The following LRCH2 variants were observed in gnomAD, a reference collection of about 807,000 sequenced individuals.
LRCH2 encodes leucine-rich repeat and calponin homology domain-containing protein 2.
LRCH2 carries 38 observed loss-of-function variants against 68.9 expected under a neutral mutation model. That is an observed-to-expected ratio of 0.55 (90% CI 0.43 to 0.72). LRCH2 has a LOEUF of 0.72. Among genes scored for constraint, LRCH2 ranks in the 30% least tolerant of loss-of-function variants. LRCH2 has a pLI of 0.00. For missense variants in LRCH2, 528 were observed against 572.9 expected (o/e 0.92, Z 0.80); for synonymous variants, 191 against 208.1 (o/e 0.92, Z 0.71).
intron 2 of LRCH2, among the ~76,000 whole-genome samples, chrX:115,185,206 T>C (rs1445438516): frequency 3.6e-5 from 4 of 112,210 alleles, no homozygotes; most frequent in Non-Finnish European, 7.5e-5. Flanking sequence ...CCAGGCCATG[T>C]TCAGGGCAGC....
intron 11 of LRCH2, among the ~76,000 whole-genome samples, chrX:115,162,925 G>T (rs782635608): frequency 9.0e-6 from 1 of 111,387 alleles, no homozygotes; most frequent in East Asian, 2.8e-4. Flanking sequence ...TATAAATGTA[G>T]TCCTCTCAGT....
intron 16 of LRCH2, 96 bp from the exon 17 acceptor site, chrX:115,124,098 G>T (rs2072166074): frequency 2.3e-6 from 1 of 432,360 alleles, no homozygotes; most frequent in African/African-American, 2.6e-5. Flanking sequence ...TCCAATTTGG[G>T]GAAATACTTA....
At chrX:115,192,398 A>G in intron 1 of LRCH2, 1 of 1,166,018 alleles carries the variant, frequency 8.6e-7, no homozygotes, top group Non-Finnish European at 1.1e-6. Flanking sequence ...TACGAGGAGT[A>G]CCAGGGCAGC....
At chrX:115,203,050 G>A (rs1258249977) in intron 1 of LRCH2, among the ~76,000 whole-genome samples, 1 of 111,947 alleles carries the variant, frequency 8.9e-6, no homozygotes, top group South Asian at 3.7e-4. Context: ...AAAGAAAAGA[G>A]GTTTAATTGA....
rs782576357 is a variant in LRCH2, at chrX:115,201,164, C to T, written c.350-12794G>A. On this transcript the variant is annotated intron_variant, in intron 1 of 20. Coordinates refer to ENST00000317135, the MANE Select transcript of LRCH2 (RefSeq NM_020871.4). The stretch of plus-strand genomic sequence containing the variant: ...TCCCGTTTTTGAAACCATCAGATGT[C>T]ATGAGACTCATTCACTGTCACAAGA... Among the ~76,000 whole-genome samples, 4 of 110,708 alleles carry T rather than the reference C, an allele frequency of 3.6e-5. No homozygotes were observed. The East Asian group carries it at 1.1e-3, about 32-fold the overall frequency.
At chrX:115,153,557 G>T (rs782443969) in intron 12 of LRCH2, among the ~76,000 whole-genome samples, 3 of 110,705 alleles carry the variant, frequency 2.7e-5, no homozygotes. Flanking sequence ...ACAAATAACT[G>T]TTTAAAGCAT....
At chrX:115,226,929 T>C (rs2147369719) in intron 1 of LRCH2, among the ~76,000 whole-genome samples, 1 of 111,422 alleles carries the variant, frequency 9.0e-6, no homozygotes, top group East Asian at 2.8e-4. Flanking sequence ...AAATCAAATG[T>C]TATCCCTCCC....
intron 1 of LRCH2, among the ~76,000 whole-genome samples, chrX:115,225,594 A>C (rs1027135837): frequency 1.8e-5 from 2 of 112,226 alleles, no homozygotes; most frequent in Non-Finnish European, 3.8e-5. Flanking sequence ...TTCAAGATTG[A>C]TACATTTGGC....
chrX:115,197,056 C>T (rs982090963), intron 1 of LRCH2, among the ~76,000 whole-genome samples: 1 of 110,954 alleles, frequency 9.0e-6, no homozygotes. Context: ...ACAAATTATA[C>T]AGAGTCTTCA....
chrX:115,152,539 GACTAGCAA>G (rs2072440184), intron 12 of LRCH2, among the ~76,000 whole-genome samples: 1 of 111,751 alleles, frequency 8.9e-6, no homozygotes, highest in Non-Finnish European at 1.9e-5. Context: ...CACAAGAAAT[GACTAGCAA>G]ACACAAAGAC....
At chrX:115,196,340 C>T (rs1393350017) in intron 1 of LRCH2, among the ~76,000 whole-genome samples, 1 of 111,322 alleles carries the variant, frequency 9.0e-6, no homozygotes, top group Non-Finnish European at 1.9e-5. Context: ...AGGACCTCAG[C>T]ACAGCAGCAG....
chrX:115,176,415 TTAGGAATGCTGAA>T (rs1556550327), intron 5 of LRCH2, among the ~76,000 whole-genome samples: 1 of 112,001 alleles, frequency 8.9e-6, no homozygotes, highest in Non-Finnish European at 1.9e-5. Context: ...TCCCTGATGA[TTAGGAATGCTGAA>T]TATCTTTTCA....
At chrX:115,158,217 GT>G (rs2072490802) in intron 11 of LRCH2, among the ~76,000 whole-genome samples, 1 of 111,704 alleles carries the variant, frequency 9.0e-6, no homozygotes, top group Non-Finnish European at 1.9e-5. Context: ...TGCTGCTCTG[GT>G]CCTCTGGAAG....
intron 1 of LRCH2, among the ~76,000 whole-genome samples, chrX:115,204,180 T>C (rs782257659): frequency 4.4e-5 from 5 of 113,056 alleles, no homozygotes; most frequent in South Asian, 7.2e-4. Flanking sequence ...CAGCTGAAGC[T>C]GGAGTGGCTG....
At chrX:115,162,400 C>T (rs2072526833) in intron 11 of LRCH2, among the ~76,000 whole-genome samples, 1 of 111,549 alleles carries the variant, frequency 9.0e-6, no homozygotes, top group African/African-American at 3.3e-5. Flanking sequence ...GGGGGAAAAA[C>T]AAACACAGCC....
chrX:115,111,233 G>A lies in LRCH2; in HGVS notation c.*1983C>T, dbSNP rs1309643665. On this transcript the variant is annotated 3_prime_UTR_variant, in exon 21 of 21. Coordinates refer to ENST00000317135, the MANE Select transcript of LRCH2 (RefSeq NM_020871.4). Reference sequence around the variant, plus strand: ...CTGCAGTAAAGAATGCTACAGTGAGGTTCTGCTGTATTTTCTTTTTAAAGG... The same window carrying A: ...CTGCAGTAAAGAATGCTACAGTGAGATTCTGCTGTATTTTCTTTTTAAAGG... 1 of 110,940 alleles carries A rather than the reference G, an allele frequency of 9.0e-6. No homozygotes were observed. The highest frequency in any genetic ancestry group is 1.9e-5 in the Non-Finnish European group (1 of 53,012). 9.1% of individuals were successfully genotyped at this position (110,940 alleles called of 1,213,427 possible).
intron 20 of LRCH2, among the ~76,000 whole-genome samples, chrX:115,116,358 A>T (rs1386453346): frequency 9.0e-6 from 1 of 111,675 alleles, no homozygotes; most frequent in East Asian, 2.8e-4. Flanking sequence ...TTAGAACAGA[A>T]CACTATTCAG....
intron 1 of LRCH2, among the ~76,000 whole-genome samples, chrX:115,196,343 A>G (rs1032891853): frequency 3.6e-5 from 4 of 111,327 alleles, no homozygotes; most frequent in Non-Finnish European, 5.7e-5. Context: ...ACCTCAGCAC[A>G]GCAGCAGTCA....
At position 115,175,709 on chromosome X, in the gene LRCH2, C is replaced by T. The variant is rs782640715; in HGVS notation, c.864+3718G>A. ...TGTTTTTTGTTATAGGGGTATCAGC[C>T]GTGACCCTTATGATGGGGAGGAAAG... On this transcript the variant is annotated intron_variant, in intron 5 of 20. Transcript: ENST00000317135. Among the ~76,000 whole-genome samples the T allele has an allele frequency of 7.1e-5, 8 of 111,987 alleles. No individual in the cohort carries two copies. The South Asian group carries it at 1.5e-3, about 21-fold the overall frequency.
Sources: gnomAD v4.1 joint callset for allele counts (sites outside exome capture counted in the v4.1 genomes callset) on GRCh38, gnomAD v4.1.1 for gene constraint, MANE v1.5 for transcripts, NCBI Gene and HGNC (gene_info 2026-07-23, HGNC 2026-07-21) for gene names.